Variants in HSPH1 observed in about 807,000 individuals in gnomAD.
HSPH1 encodes the protein heat shock protein family H (Hsp110) member 1, also known as heat shock protein 105 kDa.
Under a neutral mutation model 100.0 loss-of-function variants are expected in HSPH1, and 40 were observed. The ratio of observed to expected loss-of-function variants is 0.40; its 90% CI spans 0.31 to 0.52. HSPH1 has a LOEUF of 0.52. Ranked by LOEUF, HSPH1 falls within the 20% of genes least tolerant of loss-of-function variation. The pLI is 0.54. For synonymous variants in HSPH1, 403 were observed against 344.0 expected (o/e 1.17, Z -1.90); for missense variants, 876 against 1,015.1 (o/e 0.86, Z 1.86).
intron 1 of HSPH1, among the ~76,000 whole-genome samples, chr13:31,160,113 T>C (rs1956842831): frequency 2.6e-5 from 4 of 152,228 alleles, no homozygotes; most frequent in Non-Finnish European, 5.9e-5. Context: ...TTTCACACAG[T>C]AGTCCCTGTA....
intron 1 of HSPH1, 47 bp from the exon 2 acceptor site, chr13:31,158,910 AT>A: frequency 1.7e-6 from 2 of 1,153,874 alleles, no homozygotes; most frequent in East Asian, 2.3e-5. Flanking sequence ...AAAGGTTGAT[AT>A]TTTAAACTGA....
rs959304014 is a variant in HSPH1, at chr13:31,138,477, T to C, written c.2300A>G (p.Asn767Ser). The change falls in exon 17 of 18, where the codon AAT becomes AGT. Residue 767 changes from asparagine to serine, a missense_variant. Asn to Ser is a conservative substitution (Grantham distance 46, BLOSUM62 1). Transcript: ENST00000320027. Reference sequence around the variant, plus strand: ...ATCAAGACTCTTTTTAGCCTGAGCATTCATGACATTATTCATCCATTCCAT... The same window carrying C: ...ATCAAGACTCTTTTTAGCCTGAGCACTCATGACATTATTCATCCATTCCAT... ...EVMEWMNNVM[N>S]AQAKKSLDQD... 7 of 1,613,264 alleles carry C rather than the reference T, an allele frequency of 4.3e-6. No homozygotes were observed. Among genetic ancestry groups the C allele is most frequent in the Non-Finnish European group, 4.2e-6 (5 of 1,179,452 alleles).
chr13:31,139,002 T>C lies in HSPH1; in HGVS notation c.2086A>G (p.Met696Val), dbSNP rs548315411. ...QAYVDKLEELMKIGTPVKVRF... is the reference protein window; with the variant it reads ...QAYVDKLEELVKIGTPVKVRF... ...TTTTGGGGGAGAAAACGACCTACCATTAATTCTTCCAACTTGTCAACATAT... is the reference window on the plus strand; with the variant it reads ...TTTTGGGGGAGAAAACGACCTACCACTAATTCTTCCAACTTGTCAACATAT... Residue 696 changes from methionine to valine, a missense_variant and splice_region_variant, in exon 15 of 18, where the codon ATG becomes GTG. Transcript: ENST00000320027. 1 of 1,607,994 alleles carries C rather than the reference T, an allele frequency of 6.2e-7. No homozygotes were observed. Among genetic ancestry groups the C allele is most frequent in the East Asian group, 2.2e-5 (1 of 44,836 alleles).
chr13:31,148,116 T>G, intron 9 of HSPH1, 24 bp from the exon 10 acceptor site: 1 of 1,595,846 alleles, frequency 6.3e-7, no homozygotes, highest in South Asian at 1.2e-5. Context: ...AAAAAGGCAT[T>G]CAGCAGATGA....
At chr13:31,141,281 A>C in intron 12 of HSPH1, 22 bp from the exon 13 acceptor site, 1 of 1,567,330 alleles carries the variant, frequency 6.4e-7, no homozygotes, top group South Asian at 1.2e-5. Flanking sequence ...GAATAAAAAA[A>C]GGAAAAAATT....
At chr13:31,159,529 C>T (rs1956820329) in intron 1 of HSPH1, among the ~76,000 whole-genome samples, 1 of 152,194 alleles carries the variant, frequency 6.6e-6, no homozygotes, top group African/African-American at 2.4e-5. Flanking sequence ...AACTGTGAAA[C>T]AACCTTCTCA....
chr13:31,150,012 T>C lies in HSPH1; in HGVS notation c.1079A>G (p.Lys360Arg). 6.2e-7 allele frequency: 1 copy of C among 1,613,864 alleles called. No individual in the cohort carries two copies. The highest frequency in any genetic ancestry group is 1.1e-5 in the South Asian group (1 of 91,076). The change falls in exon 8 of 18, where the codon AAA (lysine) becomes AGA (arginine). Residue 360 changes from lysine (K) to arginine (R), a missense_variant. Transcript: ENST00000320027. ...VKERIAKFFG[K>R]DISTTLNADE... is the part of the protein sequence containing the mutation. ...TGCATTGAGTGTTGTGCTAATATCTTTTCCAAAGAATTTGGCAATTCTTTC... is the reference window on the plus strand; with the variant it reads ...TGCATTGAGTGTTGTGCTAATATCTCTTCCAAAGAATTTGGCAATTCTTTC...
chr13:31,143,021 T>C (rs536450600), intron 12 of HSPH1, among the ~76,000 whole-genome samples: 1 of 152,088 alleles, frequency 6.6e-6, no homozygotes, highest in African/African-American at 2.4e-5. Context: ...TAGAAACCTA[T>C]CCTGACCCAA....
chr13:31,147,655 C>CA (rs1436244445), intron 10 of HSPH1, among the ~76,000 whole-genome samples: 3 of 152,016 alleles, frequency 2.0e-5, no homozygotes, highest in African/African-American at 7.2e-5. Context: ...CCTTTATATA[C>CA]AGACTGTATC....
At chr13:31,162,106 G>T (rs1161084517), upstream of HSPH1, 2 of 1,535,752 alleles carry the variant, frequency 1.3e-6, no homozygotes, top group East Asian at 2.4e-5. Flanking sequence ...GCAGCGACAG[G>T]GCCGCTCCCG....
chr13:31,158,175 G>C (rs182993824), intron 2 of HSPH1, among the ~76,000 whole-genome samples: 1 of 152,100 alleles, frequency 6.6e-6, no homozygotes, highest in Non-Finnish European at 1.5e-5. Context: ...TGAGTATCAC[G>C]AGAAACTTCA....
In HSPH1 at chr13:31,150,185, T is replaced by G. The variant is rs374315316; in HGVS notation, c.909-3A>C. 1 of 1,557,982 alleles carries G rather than the reference T, an allele frequency of 6.4e-7. No individual in the cohort carries two copies. Among genetic ancestry groups the G allele is most frequent in the East Asian group, 2.3e-5 (1 of 44,192 alleles). ...CACAGAGTTCTTCAAATTGTGACCT[T>G]AGCAAATAAAAACTTGTTTTTAGAA... is the stretch of plus-strand genomic sequence containing the variant. On this transcript the variant is annotated splice_region_variant and splice_polypyrimidine_tract_variant and intron_variant, in intron 7 of 17. Transcript: ENST00000320027.
At chr13:31,140,400 T>C in intron 13 of HSPH1, 91 bp from the exon 14 acceptor site, 2 of 1,265,996 alleles carry the variant, frequency 1.6e-6, no homozygotes, top group Non-Finnish European at 2.2e-6. Context: ...AAAAAAATGA[T>C]ACAAAACAAA....
chr13:31,158,997 T>C (rs1486704670), intron 1 of HSPH1, 134 bp from the exon 2 acceptor site: 27 of 585,012 alleles, frequency 4.6e-5, no homozygotes, highest in South Asian at 6.9e-5. Flanking sequence ...TTAAGGTCTA[T>C]AGCTTTCATC....
chr13:31,141,104 T>C lies in HSPH1; in HGVS notation c.1854+18A>G, dbSNP rs772721166. On this transcript the variant is annotated intron_variant, in intron 13 of 17. Coordinates refer to ENST00000320027, the MANE Select transcript of HSPH1 (RefSeq NM_006644.4). ...CTAAACATATTTCAAAATAAAAATATTTAATTGAAGTACTTACCTCTGTCT... is the reference window on the plus strand; with the variant it reads ...CTAAACATATTTCAAAATAAAAATACTTAATTGAAGTACTTACCTCTGTCT... 2.4e-5 allele frequency: 35 copies of C among 1,454,962 alleles called. No individual in the cohort carries two copies. In the African/African-American group the frequency reaches 4.9e-4, roughly 20 times the overall value. The allele number at this position is 1,454,962 out of a possible 1,614,324, so 90.1% of individuals were successfully genotyped here.
chr13:31,161,354 G>C, intron 1 of HSPH1, 122 bp downstream of exon 1: 11 of 1,479,372 alleles, frequency 7.4e-6, no homozygotes, highest in Non-Finnish European at 8.2e-6. Flanking sequence ...CCACGGAGGG[G>C]TGCGCCGCTG....
At chr13:31,161,915 G>GT (rs1956937605), upstream of HSPH1, 1 of 1,514,188 alleles carries the variant, frequency 6.6e-7, no homozygotes, top group South Asian at 1.2e-5. Context: ...AAAAGGGGAG[G>GT]TCCCACTTCC....
intron 3 of HSPH1, among the ~76,000 whole-genome samples, chr13:31,155,214 G>A (rs1956639636): frequency 6.6e-6 from 1 of 152,188 alleles, no homozygotes; most frequent in African/African-American, 2.4e-5. Context: ...TCTCAGAACA[G>A]ACTTTTGTTT....
At chr13:31,137,724 T>A (rs972669088) in intron 17 of HSPH1, among the ~76,000 whole-genome samples, 200 bp from the exon 18 acceptor site, 2 of 152,164 alleles carry the variant, frequency 1.3e-5, no homozygotes, top group Non-Finnish European at 2.9e-5. Context: ...CCAGGATGTG[T>A]TAGGACTATG....
Sources: gnomAD v4.1 joint callset for allele counts (sites outside exome capture counted in the v4.1 genomes callset) on GRCh38, gnomAD v4.1.1 for gene constraint, MANE v1.5 for transcripts, NCBI Gene and HGNC (gene_info 2026-07-23, HGNC 2026-07-21) for gene names.